Variants in C5 observed in about 807,000 individuals in gnomAD.
C5 encodes complement C5.
In C5, 140 loss-of-function variants were observed where a neutral mutation model predicts 218.8. That is an observed-to-expected ratio of 0.64 (90% CI 0.56 to 0.74). C5 has a LOEUF of 0.74. Among genes scored for constraint, C5 ranks in the 30% least tolerant of loss-of-function variants. The pLI, the probability that C5 is intolerant of heterozygous loss-of-function variation, is 0.00. For missense variants in C5, 1,700 were observed against 1,969.6 expected (o/e 0.86, Z 2.59); for synonymous variants, 614 against 682.3 (o/e 0.90, Z 1.56).
intron 1 of C5, among the ~76,000 whole-genome samples, chr9:121,049,386 G>A (rs1198107898): frequency 1.3e-5 from 2 of 152,092 alleles, no homozygotes; most frequent in African/African-American, 4.8e-5. Context: ...GAGTGCTTGT[G>A]GCCATGTAAA....
chr9:120,975,050 C>T, intron 29 of C5, 119 bp from the exon 30 acceptor site: 1 of 1,099,996 alleles, frequency 9.1e-7, no homozygotes, highest in East Asian at 2.4e-5. Context: ...CTCCAGCTGA[C>T]TCAGTAAGAC....
chr9:121,002,310 GTGTGTGTA>G (rs2047176865), intron 20 of C5, among the ~76,000 whole-genome samples: 1 of 53,574 alleles, frequency 1.9e-5, no homozygotes, highest in Non-Finnish European at 3.4e-5. Flanking sequence ...ATATATATAT[GTGTGTGTA>G]TATATATATA....
intron 12 of C5, 123 bp downstream of exon 12, chr9:121,019,853 G>A: frequency 1.5e-6 from 1 of 675,170 alleles, no homozygotes; most frequent in Admixed American, 2.5e-5. Context: ...GTTCAAGTTA[G>A]ATGATGCTCT....
chr9:121,029,753 G>A (rs766200532), intron 7 of C5, among the ~76,000 whole-genome samples: 2 of 152,202 alleles, frequency 1.3e-5, no homozygotes, highest in Non-Finnish European at 2.9e-5. Flanking sequence ...TGGTGTGCCA[G>A]CACCAAGCCT....
the C5 span, among the ~76,000 whole-genome samples, chr9:121,066,322 A>G: frequency 3.3e-5 from 5 of 151,256 alleles, no homozygotes; most frequent in African/African-American, 9.7e-5. Context: ...AAAAAAAAAA[A>G]AAAAAAAAAA....
At chr9:120,993,586 C>A (rs1181633499) in intron 22 of C5, among the ~76,000 whole-genome samples, 1 of 152,112 alleles carries the variant, frequency 6.6e-6, no homozygotes, top group East Asian at 1.9e-4. Context: ...CCACGCCTGG[C>A]TAATTTTTTG....
chr9:121,058,403 A>T, the C5 span, among the ~76,000 whole-genome samples: 1 of 152,140 alleles, frequency 6.6e-6, no homozygotes, highest in Non-Finnish European at 1.5e-5. Flanking sequence ...CTTCTCTTTG[A>T]CACCTTCTCC....
intron 20 of C5, among the ~76,000 whole-genome samples, chr9:121,002,548 C>T (rs975132458): frequency 6.6e-6 from 1 of 151,548 alleles, no homozygotes; most frequent in African/African-American, 2.4e-5. Flanking sequence ...TACCAAAATC[C>T]TTTGGTAGCC....
chr9:121,028,042 C>A (rs1294282423), intron 7 of C5, among the ~76,000 whole-genome samples: 2 of 152,146 alleles, frequency 1.3e-5, no homozygotes, highest in Non-Finnish European at 2.9e-5. Flanking sequence ...AGGATATGAA[C>A]AGATACTTCT....
chr9:120,962,652 T>C lies in C5; in HGVS notation c.4504+19A>G. The stretch of plus-strand genomic sequence containing the variant: ...TACAAAGTATTCTTCTGAAGAAATG[T>C]TAGCATGGAGTTGATTACCTGGTCT... On this transcript the variant is annotated intron_variant, in intron 36 of 40. Transcript: ENST00000223642. The C allele has an allele frequency of 6.7e-7, 1 of 1,502,812 alleles. No homozygotes were observed. The allele number at this position is 1,502,812 out of a possible 1,614,324, so 93.1% of individuals were successfully genotyped here. A position where few individuals can be genotyped will look rare whatever the true frequency, so the allele number is the denominator to read the frequency against.
At chr9:121,034,701 T>C (rs1471958188) in intron 5 of C5, 102 bp downstream of exon 5, 3 of 703,712 alleles carry the variant, frequency 4.3e-6, no homozygotes, top group African/African-American at 3.5e-5. Context: ...TATCCACCTA[T>C]GTGACACCCT....
At chr9:121,061,548 A>G in the C5 span, among the ~76,000 whole-genome samples, 1 of 152,222 alleles carries the variant, frequency 6.6e-6, no homozygotes, top group African/African-American at 2.4e-5. Context: ...ACTGTCTCAA[A>G]AAAAAGCCTT....
Position 120,961,609 on chromosome 9 carries a change from G to T in C5, c.4505-44C>A. 3.3e-6 allele frequency: 4 copies of T among 1,209,070 alleles called. No homozygotes were observed. The South Asian group carries it at 4.8e-5, about 15-fold the overall frequency. The allele number at this position is 1,209,070 out of a possible 1,614,324, so 74.9% of individuals were successfully genotyped here. ...GGTTAAGAGAAGTGGTTTGATTGAA[G>T]AACAACACATTTACTAATTGGCAAG... On this transcript the variant is annotated intron_variant, in intron 36 of 40. Transcript: ENST00000223642.
At chr9:120,980,589 C>CA in intron 27 of C5, among the ~76,000 whole-genome samples, 1 of 151,546 alleles carries the variant, frequency 6.6e-6, no homozygotes, top group South Asian at 2.1e-4. Flanking sequence ...GACACAATTT[C>CA]TTTTTTTTTC....
In C5 at chr9:120,976,630, C is replaced by T. The variant is rs1435026941; in HGVS notation, c.3864+70G>A. 16 of 1,245,516 alleles carry T rather than the reference C, an allele frequency of 1.3e-5. No homozygotes were observed. In the East Asian group the frequency reaches 3.7e-4, roughly 29 times the overall value. The allele number at this position is 1,245,516 out of a possible 1,614,324, so 77.2% of individuals were successfully genotyped here. On this transcript the variant is annotated intron_variant, in intron 29 of 40. Coordinates refer to ENST00000223642, the MANE Select transcript of C5 (RefSeq NM_001735.3). ...CATTTGGTGGACAAAGGCATGGAGGCCAGATGAGTGTGGTGGGGGAGAAAA... is the reference window on the plus strand; with the variant it reads ...CATTTGGTGGACAAAGGCATGGAGGTCAGATGAGTGTGGTGGGGGAGAAAA...
upstream of C5, among the ~76,000 whole-genome samples, chr9:121,051,946 T>C (rs1343032896): frequency 6.6e-6 from 1 of 152,224 alleles, no homozygotes; most frequent in Non-Finnish European, 1.5e-5. Context: ...AGGTAGGTAA[T>C]ATTTGTATTT....
At chr9:121,007,798 G>A (rs2047228015) in intron 18 of C5, among the ~76,000 whole-genome samples, 1 of 152,220 alleles carries the variant, frequency 6.6e-6, no homozygotes, top group African/African-American at 2.4e-5. Flanking sequence ...GGACATGCTA[G>A]CTAATGGGTA....
chr9:121,021,843 T>A, intron 10 of C5, 149 bp from the exon 11 acceptor site: 1 of 735,462 alleles, frequency 1.4e-6, no homozygotes, highest in Non-Finnish European at 2.4e-6. Context: ...AGAGACTTAC[T>A]ACGTTGCCCA....
intron 1 of C5, among the ~76,000 whole-genome samples, chr9:121,047,085 T>C (rs1233356893): frequency 1.3e-5 from 2 of 152,170 alleles, no homozygotes; most frequent in Non-Finnish European, 2.9e-5. Flanking sequence ...ACAATAATGG[T>C]AATTAAGTAC....
Sources: gnomAD v4.1 joint callset for allele counts (sites outside exome capture counted in the v4.1 genomes callset) on GRCh38, gnomAD v4.1.1 for gene constraint, MANE v1.5 for transcripts, NCBI Gene and HGNC (gene_info 2026-07-23, HGNC 2026-07-21) for gene names.